Variants in CTXND1 observed in about 807,000 individuals in gnomAD.
The protein encoded by CTXND1 is cortexin domain containing 1.
chr15:80,223,533 G>A (rs1435272997), intron 1 of CTXND1, among the ~76,000 whole-genome samples: 1 of 152,068 alleles, frequency 6.6e-6, no homozygotes, highest in Non-Finnish European at 1.5e-5. Context: ...GTCTGTCTTT[G>A]TTTATCTTTT....
At chr15:80,236,419 C>T (rs1176885714) in intron 1 of CTXND1, among the ~76,000 whole-genome samples, 1 of 152,204 alleles carries the variant, frequency 6.6e-6, no homozygotes, top group East Asian at 1.9e-4. Context: ...TTGGGACAGA[C>T]ACTACCTAGA....
intron 1 of CTXND1, among the ~76,000 whole-genome samples, chr15:80,245,687 T>C (rs184505789): frequency 1.3e-5 from 2 of 152,292 alleles, no homozygotes; most frequent in Non-Finnish European, 1.5e-5. Flanking sequence ...AAGGAACTTG[T>C]GGACGTATTT....
intron 1 of CTXND1, among the ~76,000 whole-genome samples, chr15:80,210,868 C>T (rs1209688352): frequency 1.3e-5 from 2 of 152,208 alleles, no homozygotes; most frequent in African/African-American, 4.8e-5. Flanking sequence ...CTGCAGACGG[C>T]TGTCTTCTCA....
At chr15:80,246,393 G>T (rs1893629743) in intron 1 of CTXND1, among the ~76,000 whole-genome samples, 1 of 152,218 alleles carries the variant, frequency 6.6e-6, no homozygotes, top group South Asian at 2.1e-4. Context: ...TCTGGGCTTT[G>T]CTGTTTATCC....
At chr15:80,234,476 CT>C (rs5814009) in intron 1 of CTXND1, among the ~76,000 whole-genome samples, 45,918 of 133,552 alleles carry the variant, frequency 0.34, 7,295 homozygotes, top group East Asian at 0.46. Flanking sequence ...TGAACATGCC[CT>C]TTTTTTTTTT....
intron 1 of CTXND1, among the ~76,000 whole-genome samples, chr15:80,221,575 C>G (rs963915718): frequency 3.9e-5 from 6 of 151,996 alleles, no homozygotes; most frequent in African/African-American, 1.2e-4. Flanking sequence ...AGAGAGAGAC[C>G]CTGGCTCTAA....
chr15:80,227,794 C>A (rs1893388617), intron 1 of CTXND1, among the ~76,000 whole-genome samples: 1 of 152,238 alleles, frequency 6.6e-6, no homozygotes, highest in Non-Finnish European at 1.5e-5. Flanking sequence ...TTGAAGGCTA[C>A]TAACTAATCA....
At chr15:80,212,630 TAG>T (rs1223926283) in intron 1 of CTXND1, among the ~76,000 whole-genome samples, 2 of 152,134 alleles carry the variant, frequency 1.3e-5, no homozygotes, top group Non-Finnish European at 2.9e-5. Context: ...AAGTTAGAAA[TAG>T]AGATACAGTT....
rs1447734354 is a variant in CTXND1 at position 80,200,846 on chromosome 15, G to A, written c.*924C>T. 1 of 152,028 alleles carries A rather than the reference G, an allele frequency of 6.6e-6. No homozygotes were observed. The highest frequency in any genetic ancestry group is 1.5e-5 in the Non-Finnish European group (1 of 68,012). 9.4% of individuals were successfully genotyped at this position (152,028 alleles called of 1,614,324 possible). A position where few individuals can be genotyped will look rare whatever the true frequency, so the allele number is the denominator to read the frequency against. On this transcript the variant is annotated 3_prime_UTR_variant, in exon 3 of 3. Transcript: ENST00000560778. ...TCATTTTGTGTGAGGAAAAAATAGT[G>A]GAAAATAATTAAATATGCAACCAAA...
At chr15:80,248,941 T>A (rs561495581) in intron 1 of CTXND1, among the ~76,000 whole-genome samples, 10 of 133,904 alleles carry the variant, frequency 7.5e-5, no homozygotes, top group Admixed American at 5.4e-4. Context: ...TCTTTCTTTC[T>A]TTTTTTGATT....
chr15:80,251,235 CT>C (rs1039899735), intron 1 of CTXND1, among the ~76,000 whole-genome samples: 3 of 152,206 alleles, frequency 2.0e-5, no homozygotes, highest in Non-Finnish European at 4.4e-5. Context: ...AGAACTTTTG[CT>C]GCGGGCACGG....
In CTXND1 at chr15:80,240,514, C is replaced by G. The variant is rs536356934; in HGVS notation, c.-218+11493G>C. On this transcript the variant is annotated intron_variant, in intron 1 of 2. Coordinates refer to ENST00000560778, the MANE Select transcript of CTXND1 (RefSeq NM_001352888.2). The stretch of plus-strand genomic sequence containing the variant: ...TGTTGTGTGCCTGCCAACACTCCCC[C>G]CCCACCACCCAACAAATAAAAAGCT... Among the ~76,000 whole-genome samples, 31 of 152,304 alleles carry G rather than the reference C, an allele frequency of 2.0e-4. No homozygotes were observed. In the East Asian group the frequency reaches 5.6e-3, roughly 27 times the overall value.
At position 80,197,893 on chromosome 15, in the gene CTXND1, C is replaced by T. The variant is rs948174192; in HGVS notation, c.*3877G>A. ...CTGGAAATTTAATGAGACAGGGAGA[C>T]ACTGATCTTTCAACTCGATAAGAAC... On this transcript the variant is annotated 3_prime_UTR_variant, in exon 3 of 3. Coordinates refer to ENST00000560778, the MANE Select transcript of CTXND1 (RefSeq NM_001352888.2). The T allele has an allele frequency of 1.3e-5, 2 of 152,194 alleles. No individual in the cohort carries two copies. The highest frequency in any genetic ancestry group is 2.4e-5 in the African/African-American group (1 of 41,450). The allele number at this position is 152,194 out of a possible 1,614,324, so 9.4% of individuals were successfully genotyped here.
chr15:80,244,919 T>C (rs1006213803), intron 1 of CTXND1, among the ~76,000 whole-genome samples: 2 of 152,098 alleles, frequency 1.3e-5, no homozygotes, highest in African/African-American at 4.8e-5. Context: ...GGGTTGAGAG[T>C]TGGGCCTGGA....
intron 1 of CTXND1, among the ~76,000 whole-genome samples, chr15:80,216,903 C>T (rs146821363): frequency 7.9e-5 from 12 of 152,230 alleles, no homozygotes; most frequent in African/African-American, 2.9e-4. Context: ...GTGTGAGCCA[C>T]CGTGCCTGGC....
chr15:80,203,222 C>A (rs1022695958), intron 2 of CTXND1, among the ~76,000 whole-genome samples: 1 of 152,204 alleles, frequency 6.6e-6, no homozygotes, highest in Non-Finnish European at 1.5e-5. Flanking sequence ...CTATCCTCAT[C>A]CCTGAACTTG....
intron 1 of CTXND1, among the ~76,000 whole-genome samples, chr15:80,208,962 C>T (rs1175977384): frequency 6.6e-6 from 1 of 152,186 alleles, no homozygotes; most frequent in African/African-American, 2.4e-5. Flanking sequence ...TCCCATGTTT[C>T]ACAGCAGGAC....
At chr15:80,215,921 C>G (rs1351555851) in intron 1 of CTXND1, among the ~76,000 whole-genome samples, 1 of 152,170 alleles carries the variant, frequency 6.6e-6, no homozygotes, top group Non-Finnish European at 1.5e-5. Context: ...GAGTCTCAAT[C>G]ACTTCCCACT....
At chr15:80,250,125 A>G (rs1893677049) in intron 1 of CTXND1, among the ~76,000 whole-genome samples, 1 of 152,190 alleles carries the variant, frequency 6.6e-6, no homozygotes, top group Admixed American at 6.5e-5. Context: ...CACACAAACT[A>G]TTTTAGGGTT....
Sources: allele counts gnomAD v4.1 joint callset (sites outside exome capture counted in the v4.1 genomes callset), GRCh38; gene constraint gnomAD v4.1.1; transcripts MANE v1.5; gene names NCBI Gene and HGNC (gene_info 2026-07-23, HGNC 2026-07-21).